Variants in DMXL2 observed in about 807,000 individuals in gnomAD.
DMXL2 encodes dmX-like protein 2.
A neutral mutation model predicts 331.1 loss-of-function variants in DMXL2; 103 were observed. That is an observed-to-expected ratio of 0.31 (90% CI 0.27 to 0.37). The LOEUF is 0.37. Ranked by LOEUF, DMXL2 falls within the 10% of genes least tolerant of loss-of-function variation. DMXL2 has a pLI of 1.00. For missense variants in DMXL2, 3,171 were observed against 3,642.9 expected, an observed-to-expected ratio of 0.87 and a Z score of 3.33; for synonymous variants, 1,281 against 1,252.1, an observed-to-expected ratio of 1.02 and a Z score of -0.49.
chr15:51,491,144 T>C (rs1354681372), intron 20 of DMXL2, among the ~76,000 whole-genome samples: 1 of 152,168 alleles, frequency 6.6e-6, no homozygotes, highest in African/African-American at 2.4e-5. Context: ...CAAAAAACTT[T>C]ATTTAAAAAA....
Position 51,536,181 on chromosome 15 carries a change from G to A in DMXL2, c.2299C>T (p.Pro767Ser), listed in dbSNP as rs2048277810. Reference protein sequence around the residue: ...SNVAWLPTLIPSYCLGTYCNS... With the variant: ...SNVAWLPTLISSYCLGTYCNS... Reference sequence around the variant, plus strand: ...GAACACTTACCTAGACAGTAACTGGGAATGAGAGTTGGAAGCCAAGCCACA... The same window carrying A: ...GAACACTTACCTAGACAGTAACTGGAAATGAGAGTTGGAAGCCAAGCCACA... Residue 767 changes from proline to serine, a missense_variant, in exon 12 of 44, where the codon CCC becomes TCC. Transcript: ENST00000560891. The A allele has an allele frequency of 6.3e-7, 1 of 1,589,438 alleles. No individual in the cohort carries two copies.
chr15:51,486,192 C>A lies in DMXL2; in HGVS notation c.5363G>T (p.Cys1788Phe). The A allele has an allele frequency of 1.2e-6, 2 of 1,614,028 alleles. No homozygotes were observed. Among genetic ancestry groups the A allele is most frequent in the South Asian group, 1.1e-5 (1 of 91,068 alleles). ...GAAAGGATCAGGATGTAATCTTTTG[C>A]AACTGAATCCTGAGCCATCCTTTTG... ...GCQKDGSGFSCKRLHPDPFLR... is the reference protein window; with the variant it reads ...GCQKDGSGFSFKRLHPDPFLR... Residue 1788 changes from cysteine (C) to phenylalanine (F), a missense_variant, in exon 23 of 44, where the codon TGC becomes TTC. This residue lies in a region of DMXL2 where 252 missense variants were observed against 387.4 expected (regional missense o/e 0.65). Transcript: ENST00000560891.
intron 23 of DMXL2, among the ~76,000 whole-genome samples, chr15:51,482,710 A>C (rs2042102816): frequency 6.6e-6 from 1 of 152,240 alleles, no homozygotes; most frequent in Non-Finnish European, 1.5e-5. Context: ...AAAACTATCA[A>C]GAAATAATGC....
At chr15:51,510,288 G>A (rs2046680281) in intron 15 of DMXL2, among the ~76,000 whole-genome samples, 1 of 152,146 alleles carries the variant, frequency 6.6e-6, no homozygotes, top group Non-Finnish European at 1.5e-5. Flanking sequence ...CAGATGACAT[G>A]ACTGTATATT....
At chr15:51,528,958 T>C (rs188117542) in intron 13 of DMXL2, among the ~76,000 whole-genome samples, 6 of 152,270 alleles carry the variant, frequency 3.9e-5, no homozygotes, top group Admixed American at 3.3e-4. Context: ...ACAAGGAATT[T>C]TGGAAACTAT....
intron 1 of DMXL2, among the ~76,000 whole-genome samples, chr15:51,579,840 C>G (rs145772485): frequency 3.9e-5 from 6 of 152,326 alleles, no homozygotes; most frequent in Non-Finnish European, 8.8e-5. Flanking sequence ...TCACCATTTA[C>G]TGAATACCTA....
chr15:51,581,357 C>T (rs1234823629), intron 1 of DMXL2, among the ~76,000 whole-genome samples: 2 of 152,152 alleles, frequency 1.3e-5, no homozygotes, highest in South Asian at 2.1e-4. Flanking sequence ...TCCACAAAAC[C>T]GGTCCTTGGT....
At chr15:51,567,079 G>A (rs1278195687) in intron 3 of DMXL2, 1 of 117,448 alleles carries the variant, frequency 8.5e-6, no homozygotes, top group Non-Finnish European at 1.7e-5. Flanking sequence ...GTCTTGCTCT[G>A]ACTCCCAAGC....
At position 51,536,566 on chromosome 15, in the gene DMXL2, T is replaced by C. The variant is rs751476028; in HGVS notation, c.1914A>G (p.Leu638=). The change falls in exon 12 of 44, where the codon CTA becomes CTG. Residue 638 remains leucine (L), a synonymous_variant. Transcript: ENST00000560891. The stretch of plus-strand genomic sequence containing the variant: ...AATATCTAAATTTGTGAGATACAGT[T>C]AGAACAGTGGTAAAGGCAGACTTAT... The part of the protein sequence containing the change: ...FADKSAFTTV[L]TVSHKFRYCG... 7 of 1,613,870 alleles carry C rather than the reference T, an allele frequency of 4.3e-6. No individual in the cohort carries two copies. The highest frequency in any genetic ancestry group is 2.2e-5 in the South Asian group (2 of 91,078).
intron 30 of DMXL2, among the ~76,000 whole-genome samples, chr15:51,465,884 A>G (rs1197756733): frequency 1.3e-5 from 2 of 152,222 alleles, no homozygotes; most frequent in Non-Finnish European, 2.9e-5. Context: ...ACATAGTCAC[A>G]TGAAACCTAA....
chr15:51,456,116 C>T lies in DMXL2; in HGVS notation c.8476G>A (p.Ala2826Thr). 1 of 1,614,196 alleles carries T rather than the reference C, an allele frequency of 6.2e-7. No individual in the cohort carries two copies. The highest frequency in any genetic ancestry group is 8.5e-7 in the Non-Finnish European group (1 of 1,180,034). Residue 2826 changes from alanine (A) to threonine (T), a missense_variant, in exon 39 of 44, where the codon GCT (alanine) becomes ACT (threonine). Ala to Thr is a moderately conservative substitution (Grantham distance 58). Coordinates refer to ENST00000560891, the MANE Select transcript of DMXL2 (RefSeq NM_001378457.1). ...AATCTAGTAACTCTTGCATTGCCAG[C>T]TTGACGAAAGCAGACAAGTTGCTGA... ...RPQQLVCFRQ[A>T]GNARVTRLYF...
At chr15:51,487,162 T>A (rs2042452209) in intron 22 of DMXL2, among the ~76,000 whole-genome samples, 1 of 152,140 alleles carries the variant, frequency 6.6e-6, no homozygotes, top group African/African-American at 2.4e-5. Context: ...GGATTACATA[T>A]CAAAAAGTGG....
chr15:51,556,152 G>T (rs1443721423), intron 6 of DMXL2, among the ~76,000 whole-genome samples: 1 of 151,616 alleles, frequency 6.6e-6, no homozygotes, highest in Non-Finnish European at 1.5e-5. Flanking sequence ...GACCATCCTG[G>T]CTAACACGGT....
intron 19 of DMXL2, 41 bp from the exon 20 acceptor site, chr15:51,491,788 C>G (rs777167937): frequency 1.2e-5 from 18 of 1,517,682 alleles, no homozygotes; most frequent in Non-Finnish European, 1.6e-5. Flanking sequence ...GTAACTGTAT[C>G]AAATAAGAAG....
At chr15:51,566,350 T>A (rs1166818527) in intron 3 of DMXL2, among the ~76,000 whole-genome samples, 1 of 152,028 alleles carries the variant, frequency 6.6e-6, no homozygotes, top group African/African-American at 2.4e-5. Flanking sequence ...ATGCTATTTT[T>A]AAACCCTACC....
chr15:51,538,474 C>G (rs1229894865), intron 9 of DMXL2, 22 bp from the exon 10 acceptor site: 2 of 1,535,052 alleles, frequency 1.3e-6, no homozygotes, highest in East Asian at 2.3e-5. Flanking sequence ...AAAGAGATTT[C>G]AATATAATTT....
intron 1 of DMXL2, among the ~76,000 whole-genome samples, chr15:51,609,434 A>G (rs1462098288): frequency 6.6e-6 from 1 of 152,248 alleles, no homozygotes; most frequent in Non-Finnish European, 1.5e-5. Context: ...AATGGACCAC[A>G]CATAAACTAT....
intron 13 of DMXL2, among the ~76,000 whole-genome samples, chr15:51,527,898 CA>C (rs943369052): frequency 6.6e-6 from 1 of 151,568 alleles, no homozygotes; most frequent in African/African-American, 2.4e-5. Context: ...ACAGATGGTA[CA>C]AAAAGATACA....
chr15:51,487,101 A>C (rs1304183865), intron 22 of DMXL2, among the ~76,000 whole-genome samples: 1 of 152,216 alleles, frequency 6.6e-6, no homozygotes, highest in Non-Finnish European at 1.5e-5. Flanking sequence ...TAAGAGGAAG[A>C]TATCAGAAGT....
Sources: allele counts gnomAD v4.1 joint callset (sites outside exome capture counted in the v4.1 genomes callset), GRCh38; gene constraint gnomAD v4.1.1; regional missense constraint gnomAD v4.1.1; transcripts MANE v1.5; gene names NCBI Gene and HGNC (gene_info 2026-07-23, HGNC 2026-07-21).